Variants in FAT3 observed in about 807,000 individuals in gnomAD.
The protein encoded by FAT3 is protocadherin Fat 3.
In FAT3, 95 loss-of-function variants were observed where a neutral mutation model predicts 310.2. The ratio of observed to expected loss-of-function variants is 0.31; its 90% CI spans 0.26 to 0.36. The LOEUF (loss-of-function observed/expected upper bound fraction) is 0.36. Among genes scored for constraint, FAT3 ranks in the 10% least tolerant of loss-of-function variants. The pLI, the probability that FAT3 is intolerant of heterozygous loss-of-function variation, is 1.00. For missense variants in FAT3, 5,408 were observed against 5,715.6 expected (o/e 0.95, Z 1.74); for synonymous variants, 2,314 against 2,192.9 (o/e 1.06, Z -1.54).
chr11:92,450,153 G>A (rs913101116), intron 2 of FAT3, among the ~76,000 whole-genome samples: 19 of 152,308 alleles, frequency 1.2e-4, no homozygotes, highest in Admixed American at 5.9e-4. Flanking sequence ...TGTACTCAGC[G>A]TTGGCAGCCT....
chr11:92,775,882 T>G (rs562062177), intron 7 of FAT3, among the ~76,000 whole-genome samples: 1 of 152,220 alleles, frequency 6.6e-6, no homozygotes, highest in Non-Finnish European at 1.5e-5. Flanking sequence ...TCATACTGTT[T>G]CCGGGTATTT....
At chr11:92,689,533 A>G (rs1021934571) in intron 3 of FAT3, among the ~76,000 whole-genome samples, 2 of 152,192 alleles carry the variant, frequency 1.3e-5, no homozygotes, top group African/African-American at 4.8e-5. Context: ...TAGCCTAGAG[A>G]CTTCTTCAGG....
intron 3 of FAT3, among the ~76,000 whole-genome samples, chr11:92,601,517 C>A (rs1940024836): frequency 1.3e-5 from 2 of 152,182 alleles, no homozygotes; most frequent in South Asian, 4.1e-4. Flanking sequence ...ATCACTTCAA[C>A]CCAGGAGATG....
rs145271176 is a variant in FAT3, at chr11:92,578,966, T to C, written c.3607+54018T>C. 2.8e-3 allele frequency among the ~76,000 whole-genome samples: 424 copies of C among 152,294 alleles called. 2 individuals carry two copies. The highest frequency in any genetic ancestry group is 9.8e-3 in the African/African-American group (409 of 41,570). ...AACTGATGAAAATAAAGACAGTTGT[T>C]ATCTTGGTGACTGGAATGGTATTAC... On this transcript the variant is annotated intron_variant, in intron 3 of 27. Coordinates refer to ENST00000525166, the MANE Select transcript of FAT3 (RefSeq NM_001367949.2).
chr11:92,770,249 TAAG>T (rs1222309097), intron 6 of FAT3, among the ~76,000 whole-genome samples: 3 of 152,012 alleles, frequency 2.0e-5, no homozygotes, highest in Non-Finnish European at 4.4e-5. Context: ...TTCAGGAAAA[TAAG>T]AAGAAGCCTA....
chr11:92,799,370 G>T lies in FAT3; in HGVS notation c.6357G>T (p.Val2119=). ...IDKDKGPNGE[V]TYVLQDDYGH... The stretch of plus-strand genomic sequence containing the variant: ...AAGATAAAGGTCCAAATGGAGAAGT[G>T]ACCTATGTCCTGCAGGATGACTATG... Residue 2119 remains valine (V), a synonymous_variant, in exon 10 of 28, where the codon GTG becomes GTT. Transcript: ENST00000525166. 6.2e-7 allele frequency: 1 copy of T among 1,613,834 alleles called. No individual in the cohort carries two copies. The highest frequency in any genetic ancestry group is 8.5e-7 in the Non-Finnish European group (1 of 1,179,838).
At chr11:92,326,893 G>A (rs1166270472) in intron 1 of FAT3, among the ~76,000 whole-genome samples, 2 of 152,060 alleles carry the variant, frequency 1.3e-5, no homozygotes, top group East Asian at 3.9e-4. Flanking sequence ...TAATAATTCT[G>A]GGAACTGAAG....
intron 3 of FAT3, among the ~76,000 whole-genome samples, chr11:92,556,487 A>G (rs1955023021): frequency 6.6e-6 from 1 of 152,108 alleles, no homozygotes; most frequent in African/African-American, 2.4e-5. Flanking sequence ...CTGAATTCTC[A>G]TAATCCTTTG....
chr11:92,562,377 G>A lies in FAT3; in HGVS notation c.3607+37429G>A, dbSNP rs1287008398. On this transcript the variant is annotated intron_variant, in intron 3 of 27. Coordinates refer to ENST00000525166, the MANE Select transcript of FAT3 (RefSeq NM_001367949.2). ...TTTTCCCTTGCATATAGAAGGCCAA[G>A]ATAAATACGTACGGATTTTATTTCA... Among the ~76,000 whole-genome samples the A allele has an allele frequency of 2.0e-5, 3 of 152,202 alleles. No homozygotes were observed. The South Asian group carries it at 6.2e-4, about 32-fold the overall frequency.
intron 3 of FAT3, among the ~76,000 whole-genome samples, chr11:92,602,278 A>T (rs191554758): frequency 3.7e-4 from 57 of 152,156 alleles, no homozygotes; most frequent in African/African-American, 1.3e-3. Flanking sequence ...GGTTTTCAGT[A>T]GAGGGTTTAC....
At chr11:92,309,900 T>C (rs1439916283) in intron 1 of FAT3, among the ~76,000 whole-genome samples, 1 of 152,072 alleles carries the variant, frequency 6.6e-6, no homozygotes, top group Non-Finnish European at 1.5e-5. Flanking sequence ...ACTAATTGGC[T>C]CTTGAGGGAA....
chr11:92,237,255 T>G (rs1864467637), intron 1 of FAT3, among the ~76,000 whole-genome samples: 1 of 152,122 alleles, frequency 6.6e-6, no homozygotes, highest in Admixed American at 6.5e-5. Context: ...GGTATTTTGA[T>G]CCTTTGCTTC....
At chr11:92,579,543 G>T (rs1565429034) in intron 3 of FAT3, among the ~76,000 whole-genome samples, 1 of 152,010 alleles carries the variant, frequency 6.6e-6, no homozygotes, top group Non-Finnish European at 1.5e-5. Flanking sequence ...ATCATATATT[G>T]TAGTTATGCC....
intron 2 of FAT3, among the ~76,000 whole-genome samples, chr11:92,507,332 G>T (rs76317705): frequency 0.074 from 11,250 of 152,040 alleles, 1,340 homozygotes; most frequent in African/African-American, 0.25. Flanking sequence ...TCTGGACCCT[G>T]GTTTCTTTGT....
intron 19 of FAT3, among the ~76,000 whole-genome samples, chr11:92,848,428 A>G (rs1412354386): frequency 6.6e-6 from 1 of 152,178 alleles, no homozygotes; most frequent in Non-Finnish European, 1.5e-5. Context: ...TTAATTGAGG[A>G]TGATAGATGT....
At chr11:92,729,889 A>C (rs1565546656) in intron 4 of FAT3, among the ~76,000 whole-genome samples, 1 of 152,166 alleles carries the variant, frequency 6.6e-6, no homozygotes, top group Non-Finnish European at 1.5e-5. Flanking sequence ...CTACAAGACT[A>C]CTCTAAAATT....
chr11:92,406,374 A>T (rs2134892625), intron 2 of FAT3, among the ~76,000 whole-genome samples: 1 of 152,304 alleles, frequency 6.6e-6, no homozygotes, highest in Non-Finnish European at 1.5e-5. Context: ...TTTATTTCTG[A>T]TTCCTTGTGT....
Position 92,831,877 on chromosome 11 carries a change from C to A in FAT3, c.9737C>A (p.Pro3246His), listed in dbSNP as rs748704022. Residue 3246 changes from proline (P) to histidine (H), a missense_variant, in exon 14 of 28, where the codon CCT becomes CAT. Pro to His is a moderately conservative substitution (Grantham distance 77, BLOSUM62 -2). Coordinates refer to ENST00000525166, the MANE Select transcript of FAT3 (RefSeq NM_001367949.2). ...FERRDYLVTV[P>H]EDTSPGTQVL... ...AGGAGGGACTACCTGGTGACGGTGC[C>A]TGAGGACACCTCCCCTGGCACCCAA... 6.2e-7 allele frequency: 1 copy of A among 1,613,386 alleles called. No homozygotes were observed. Among genetic ancestry groups the A allele is most frequent in the South Asian group, 1.1e-5 (1 of 90,882 alleles).
At chr11:92,258,732 C>T (rs1865414555) in intron 1 of FAT3, among the ~76,000 whole-genome samples, 1 of 151,946 alleles carries the variant, frequency 6.6e-6, no homozygotes, top group South Asian at 2.1e-4. Context: ...GGAGAGTTAC[C>T]TGGAGGCAGG....
Sources: gnomAD v4.1 joint callset for allele counts (sites outside exome capture counted in the v4.1 genomes callset) on GRCh38, gnomAD v4.1.1 for gene constraint, MANE v1.5 for transcripts, NCBI Gene and HGNC (gene_info 2026-07-23, HGNC 2026-07-21) for gene names.